The following NALCN variants were observed in gnomAD, a reference collection of about 807,000 sequenced individuals.
The protein encoded by NALCN is sodium leak channel, non-selective.
Under a neutral mutation model 225.3 loss-of-function variants are expected in NALCN, and 111 were observed. The ratio of observed to expected loss-of-function variants is 0.49; its 90% CI spans 0.42 to 0.58. NALCN has a LOEUF of 0.58. Among genes scored for constraint, NALCN ranks in the 20% least tolerant of loss-of-function variants. NALCN has a pLI of 0.00. For missense variants in NALCN, 1,378 were observed against 2,202.4 expected (o/e 0.63, Z 7.49); for synonymous variants, 764 against 769.0 (o/e 0.99, Z 0.11).
chr13:101,254,363 A>C (rs1184633646), intron 11 of NALCN, among the ~76,000 whole-genome samples: 72 of 77,386 alleles, frequency 9.3e-4, no homozygotes, highest in Non-Finnish European at 1.3e-3. Context: ...ACAGAGTGGG[A>C]CTGTCTCAAA....
At chr13:101,162,383 C>T (rs942390644) in intron 15 of NALCN, among the ~76,000 whole-genome samples, 1 of 152,152 alleles carries the variant, frequency 6.6e-6, no homozygotes, top group African/African-American at 2.4e-5. Flanking sequence ...TGTGAGGATG[C>T]TTCCAGAAGA....
At position 101,202,891 on chromosome 13, in the gene NALCN, A is replaced by C. The variant is rs79280431; in HGVS notation, c.1627-10837T>G. On this transcript the variant is annotated intron_variant, in intron 13 of 43. Coordinates refer to ENST00000251127, the MANE Select transcript of NALCN (RefSeq NM_052867.4). The stretch of plus-strand genomic sequence containing the variant: ...GATTGAATCGCTGAGTATGCAGACC[A>C]GGATGCTCTGTAAGCCAGCAGATCA... Among the ~76,000 whole-genome samples, 22 of 152,294 alleles carry C rather than the reference A, an allele frequency of 1.4e-4. 1 individual carries two copies. In the East Asian group the frequency reaches 4.2e-3, roughly 29 times the overall value.
rs1453570943 is a variant in NALCN at position 101,144,863 on chromosome 13, C to G, written c.1873G>C (p.Glu625Gln). 3 of 1,612,038 alleles carry G rather than the reference C, an allele frequency of 1.9e-6. No homozygotes were observed. Among genetic ancestry groups the G allele is most frequent in the Non-Finnish European group, 2.5e-6 (3 of 1,179,282 alleles). ...KQSEANADTK[E>Q]KLPLRLRIFE... ...ATTCGCAGGCGTAAAGGGAGCTTTT[C>G]TTTGGTGTCCGCATTTGCTTCACTT... The change falls in exon 16 of 44, where the codon GAA becomes CAA. Residue 625 changes from glutamate to glutamine, a missense_variant. Around this residue, in one of 19 missense-constraint regions of NALCN, gnomAD observed 62 missense variants for 143.6 expected, o/e 0.43. Coordinates refer to ENST00000251127, the MANE Select transcript of NALCN (RefSeq NM_052867.4).
At chr13:101,239,992 T>A (rs150137520) in intron 11 of NALCN, among the ~76,000 whole-genome samples, 2,254 of 152,186 alleles carry the variant, frequency 0.015, 22 homozygotes, top group South Asian at 0.028. Flanking sequence ...GTCCGTAACC[T>A]TGACACTATT....
chr13:101,319,889 T>A (rs374159828), intron 7 of NALCN, among the ~76,000 whole-genome samples: 1 of 152,202 alleles, frequency 6.6e-6, no homozygotes, highest in Non-Finnish European at 1.5e-5. Context: ...ATTAAAAAAA[T>A]AGCTATTCTA....
chr13:101,403,086 T>A (rs1158138489), intron 1 of NALCN, among the ~76,000 whole-genome samples: 1 of 152,190 alleles, frequency 6.6e-6, no homozygotes, highest in Non-Finnish European at 1.5e-5. Context: ...CCAAACACAC[T>A]GTAGGTCTCC....
At chr13:101,220,340 C>T (rs550770227) in intron 13 of NALCN, among the ~76,000 whole-genome samples, 5 of 152,258 alleles carry the variant, frequency 3.3e-5, no homozygotes, top group Non-Finnish European at 4.4e-5. Flanking sequence ...CAGGGATGTG[C>T]GTCTGACGAC....
chr13:101,380,552 A>G (rs1328792052), intron 3 of NALCN, among the ~76,000 whole-genome samples: 27 of 152,342 alleles, frequency 1.8e-4, no homozygotes, highest in South Asian at 1.2e-3. Flanking sequence ...ATTCAGTCAC[A>G]TATATCATTA....
chr13:101,276,062 CAAAAAA>C (rs59471123), intron 10 of NALCN, among the ~76,000 whole-genome samples: 483 of 84,144 alleles, frequency 5.7e-3, no homozygotes, highest in Middle Eastern at 0.013. Context: ...GACTCCTTCT[CAAAAAA>C]AAAAAAAAAA....
chr13:101,249,024 T>C (rs1243643035), intron 11 of NALCN, among the ~76,000 whole-genome samples: 2 of 152,154 alleles, frequency 1.3e-5, no homozygotes, highest in Non-Finnish European at 2.9e-5. Context: ...GGTAATCTTG[T>C]AGAGGACTGT....
At chr13:101,302,271 C>A (rs1052459843) in intron 7 of NALCN, among the ~76,000 whole-genome samples, 16 of 152,148 alleles carry the variant, frequency 1.1e-4, no homozygotes, top group African/African-American at 2.6e-4. Flanking sequence ...TAAGGTAGAC[C>A]TGGTCAGTCT....
intron 18 of NALCN, among the ~76,000 whole-genome samples, chr13:101,114,452 TC>T (rs2035605194): frequency 6.6e-6 from 1 of 150,602 alleles, no homozygotes; most frequent in African/African-American, 2.5e-5. Context: ...TCTCTCTCTC[TC>T]GCTGACTTGC....
chr13:101,090,112 GCACA>G lies in NALCN; in HGVS notation c.3270-150_3270-147del. 6.9e-6 allele frequency: 8 copies of G among 1,161,606 alleles called. No individual in the cohort carries two copies. The South Asian group carries it at 9.0e-5, about 13-fold the overall frequency. 72.0% of individuals were successfully genotyped at this position (1,161,606 alleles called of 1,614,324 possible). ...CATATATACACACACACGTGTGCGT[GCACA>G]CACACATACATATGTGTGTATATGT... On this transcript the variant is annotated intron_variant, in intron 28 of 43. Coordinates refer to ENST00000251127, the MANE Select transcript of NALCN (RefSeq NM_052867.4).
At chr13:101,186,441 C>T (rs1280041906) in intron 14 of NALCN, among the ~76,000 whole-genome samples, 1 of 152,154 alleles carries the variant, frequency 6.6e-6, no homozygotes, top group Non-Finnish European at 1.5e-5. Context: ...ATTGAACTCA[C>T]TTCATAAAGC....
intron 7 of NALCN, among the ~76,000 whole-genome samples, chr13:101,304,483 G>T (rs368226094): frequency 6.6e-6 from 1 of 151,978 alleles, no homozygotes; most frequent in African/African-American, 2.4e-5. Context: ...TTGAGACAGG[G>T]TTTGGCTCTG....
At chr13:101,303,381 G>A (rs950817806) in intron 7 of NALCN, among the ~76,000 whole-genome samples, 5 of 152,110 alleles carry the variant, frequency 3.3e-5, no homozygotes, top group Admixed American at 6.5e-5. Context: ...TGAAAAGGCC[G>A]TCATTAGCAC....
intron 37 of NALCN, among the ~76,000 whole-genome samples, chr13:101,073,278 A>G (rs1279191287): frequency 6.6e-6 from 1 of 152,202 alleles, no homozygotes; most frequent in East Asian, 1.9e-4. Context: ...AACACATTAA[A>G]TTAAAGGGCT....
intron 16 of NALCN, among the ~76,000 whole-genome samples, chr13:101,143,710 C>T (rs899449440): frequency 2.0e-5 from 3 of 152,228 alleles, no homozygotes; most frequent in South Asian, 2.1e-4. Flanking sequence ...GTGATCTGCC[C>T]GGTTCGGCCT....
Position 101,057,996 on chromosome 13 carries a change from C to G in NALCN, c.4966G>C (p.Asp1656His), listed in dbSNP as rs1181135665. 1 of 1,613,816 alleles carries G rather than the reference C, an allele frequency of 6.2e-7. No individual in the cohort carries two copies. The change falls in exon 43 of 44, where the codon GAT (aspartate) becomes CAT (histidine). Residue 1656 changes from aspartate to histidine, a missense_variant. By Grantham distance (81) the Asp-to-His change is moderately conservative. Transcript: ENST00000251127. Reference sequence around the variant, plus strand: ...TGGGGTTTCCCTGCGTCGGCTGCATCTTGCCGACTTCCTCCTCGATCCGAC... The same window carrying G: ...TGGGGTTTCCCTGCGTCGGCTGCATGTTGCCGACTTCCTCCTCGATCCGAC... ...TLSDRGGSRQ[D>H]AADAGKPQRK...
Sources: gnomAD v4.1 joint callset for allele counts (sites outside exome capture counted in the v4.1 genomes callset) on GRCh38, gnomAD v4.1.1 for gene constraint, gnomAD v4.1.1 regional missense constraint, MANE v1.5 for transcripts, NCBI Gene and HGNC (gene_info 2026-07-23, HGNC 2026-07-21) for gene names.